The following FAM219A variants were observed in gnomAD, a reference collection of about 807,000 sequenced individuals.
The protein encoded by FAM219A is protein FAM219A.
In FAM219A, 7 loss-of-function variants were observed where a neutral mutation model predicts 23.4. The observed-to-expected ratio is 0.30, with a 90% CI of 0.17 to 0.56. The LOEUF is 0.56. Ranked by LOEUF, FAM219A falls within the 20% of genes least tolerant of loss-of-function variation. The pLI is 0.92. For missense variants in FAM219A, 166 were observed against 246.9 expected, an observed-to-expected ratio of 0.67 and a Z score of 2.20; for synonymous variants, 93 against 99.0, an observed-to-expected ratio of 0.94 and a Z score of 0.36.
chr9:34,437,909 G>A (rs1038094892), intron 1 of FAM219A, among the ~76,000 whole-genome samples: 15 of 152,236 alleles, frequency 9.9e-5, no homozygotes, highest in Non-Finnish European at 1.8e-4. Flanking sequence ...CCCTCAGCTT[G>A]CAGGGAGGTG....
At position 34,402,389 on chromosome 9, in the gene FAM219A, G is replaced by A; in HGVS notation, c.342C>T (p.Asp114=). 2 of 1,614,198 alleles carry A rather than the reference G, an allele frequency of 1.2e-6. No homozygotes were observed. The highest frequency in any genetic ancestry group is 1.7e-6 in the Non-Finnish European group (2 of 1,180,028). Residue 114 remains aspartate, a splice_region_variant and synonymous_variant, in exon 4 of 6, where the codon GAC becomes GAT. Transcript: ENST00000651358. The part of the protein sequence containing the change: ...DEKPLVALDT[D]SDDDFDMSRY... ...TACCCCCAAGCCCCCATACACACCT[G>A]TCCGTGTCAAGGGCTACCAGTGGCT... is the stretch of plus-strand genomic sequence containing the variant.
intron 2 of FAM219A, among the ~76,000 whole-genome samples, chr9:34,405,353 G>A (rs1821596199): frequency 6.6e-6 from 1 of 152,186 alleles, no homozygotes; most frequent in South Asian, 2.1e-4. Flanking sequence ...GACCCAGAAA[G>A]GAAGGGAGAT....
At position 34,458,154 on chromosome 9, in the gene FAM219A, T is replaced by C. The variant is rs1264969256; in HGVS notation, c.60+50A>G. On this transcript the variant is annotated intron_variant, in intron 1 of 5. Transcript: ENST00000651358. The surrounding 1 kb of genome is among the most constrained non-coding windows in gnomAD (Gnocchi z 6.6). ...CCCGGCCTGATTCCCTCCCTCCCCC[T>C]CAAGCGACGCCCCCTCCGGCCTTGG... The C allele has an allele frequency of 5.5e-5, 71 of 1,285,778 alleles. No individual in the cohort carries two copies. The highest frequency in any genetic ancestry group is 2.9e-4 in the South Asian group (21 of 72,040). The allele number at this position is 1,285,778 out of a possible 1,614,324, so 79.6% of individuals were successfully genotyped here.
chr9:34,438,174 C>T (rs758133387), intron 1 of FAM219A, among the ~76,000 whole-genome samples: 5 of 152,220 alleles, frequency 3.3e-5, no homozygotes, highest in African/African-American at 7.2e-5. Context: ...GGGCAGGGCT[C>T]GGGACCTGCA....
chr9:34,439,667 C>G (rs1370939288), intron 1 of FAM219A, among the ~76,000 whole-genome samples: 2 of 151,862 alleles, frequency 1.3e-5, no homozygotes, highest in Non-Finnish European at 1.5e-5. Flanking sequence ...TTCCAGGCAG[C>G]AAGAACATTA....
intron 1 of FAM219A, among the ~76,000 whole-genome samples, chr9:34,432,156 G>A (rs528945369): frequency 6.6e-6 from 1 of 152,318 alleles, no homozygotes; most frequent in East Asian, 1.9e-4. Context: ...TTGGGCCTCA[G>A]CTCTTTTGCC....
At chr9:34,448,894 T>C (rs986525484) in intron 1 of FAM219A, among the ~76,000 whole-genome samples, 1 of 151,958 alleles carries the variant, frequency 6.6e-6, no homozygotes, top group African/African-American at 2.4e-5. Flanking sequence ...GTTGGGTACA[T>C]TGTACACTGT....
chr9:34,456,019 C>T (rs1282207023), intron 1 of FAM219A, among the ~76,000 whole-genome samples: 1 of 152,102 alleles, frequency 6.6e-6, no homozygotes, highest in African/African-American at 2.4e-5. Flanking sequence ...ATGGCGAAAC[C>T]CTGTCTCTAC....
At position 34,398,800 on chromosome 9, in the gene FAM219A, G is replaced by T. The variant is rs1378733255; in HGVS notation, c.*2164C>A. ...TCCAGATGATGGGGGCACAGGGGTTGGGGGGATGTTGATCTGGGTGGGAGA... is the reference window on the plus strand; with the variant it reads ...TCCAGATGATGGGGGCACAGGGGTTTGGGGGATGTTGATCTGGGTGGGAGA... On this transcript the variant is annotated 3_prime_UTR_variant, in exon 6 of 6. Coordinates refer to ENST00000651358, the MANE Select transcript of FAM219A (RefSeq NM_001184940.2). The T allele has an allele frequency of 2.0e-5, 4 of 202,158 alleles. No individual in the cohort carries two copies. In the East Asian group the frequency reaches 4.4e-4, roughly 22 times the overall value. The allele number at this position is 202,158 out of a possible 1,614,324, so 12.5% of individuals were successfully genotyped here. A position where few individuals can be genotyped will look rare whatever the true frequency, so the allele number is the denominator to read the frequency against.
At chr9:34,401,854 T>C (rs927577833) in intron 4 of FAM219A, 134 bp from the exon 5 acceptor site, 3 of 968,162 alleles carry the variant, frequency 3.1e-6, no homozygotes, top group African/African-American at 1.6e-5. Flanking sequence ...ATACGAACTG[T>C]GCTTGCTGTG....
chr9:34,426,498 T>C (rs914291325), intron 1 of FAM219A, among the ~76,000 whole-genome samples: 2 of 152,246 alleles, frequency 1.3e-5, no homozygotes. Flanking sequence ...GCAAATTGTC[T>C]GGATCGAGCT....
intron 1 of FAM219A, among the ~76,000 whole-genome samples, chr9:34,437,473 T>A (rs1822964599): frequency 6.6e-6 from 1 of 152,158 alleles, no homozygotes; most frequent in Non-Finnish European, 1.5e-5. Flanking sequence ...GGCTTTCAGT[T>A]CTAGAATATA....
rs754477484 is a variant in FAM219A at position 34,401,159 on chromosome 9, C to T, written c.400-37G>A. 28 of 1,604,228 alleles carry T rather than the reference C, an allele frequency of 1.7e-5. No individual in the cohort carries two copies. The South Asian group carries it at 2.9e-4, about 17-fold the overall frequency. ...GGGGAGGGAGGTCAGGCCCGAGCGG[C>T]AGGGAGGCACCACCCACAGCTCTGC... On this transcript the variant is annotated intron_variant, in intron 5 of 5. Transcript: ENST00000651358.
chr9:34,409,152 T>C (rs74462497), intron 1 of FAM219A, among the ~76,000 whole-genome samples: 33 of 152,352 alleles, frequency 2.2e-4, no homozygotes, highest in African/African-American at 7.9e-4. Flanking sequence ...AGGGGTCCCA[T>C]GCAAAGCCCA....
rs1821498241 is a variant in FAM219A, at chr9:34,402,791, C to T, written c.177G>A (p.Leu59=). ...LQVKLEKQRE[L]ARKGSLKNGS... ...CATTCTTCAGGGAGCCCTTCCGGGC[C>T]AGCTCCCGCTGCTTCTCTGCAGGAG... Residue 59 remains leucine (L), a synonymous_variant, in exon 3 of 6, where the codon CTG becomes CTA. Transcript: ENST00000651358. The T allele has an allele frequency of 1.2e-6, 2 of 1,614,076 alleles. No individual in the cohort carries two copies. The highest frequency in any genetic ancestry group is 1.3e-5 in the African/African-American group (1 of 74,944).
chr9:34,415,004 T>A (rs140144162), intron 1 of FAM219A, among the ~76,000 whole-genome samples: 56 of 152,224 alleles, frequency 3.7e-4, no homozygotes, highest in African/African-American at 1.3e-3. Context: ...CAAGCTGGAG[T>A]GCAGTGGTGC....
intron 1 of FAM219A, among the ~76,000 whole-genome samples, chr9:34,428,674 G>C (rs1460861180): frequency 6.6e-6 from 1 of 152,236 alleles, no homozygotes; most frequent in Non-Finnish European, 1.5e-5. Context: ...CTGTGAGGAA[G>C]ACAAACACTG....
Position 34,434,183 on chromosome 9 carries a change from CAG to C in FAM219A, c.60+24019_60+24020del, listed in dbSNP as rs1298504727. Among the ~76,000 whole-genome samples, 3 of 112,160 alleles carry C rather than the reference CAG, an allele frequency of 2.7e-5. No homozygotes were observed. In the East Asian group the frequency reaches 8.6e-4, roughly 32 times the overall value. 73.6% of individuals were successfully genotyped at this position (112,160 alleles called of 152,430 possible). A position where few individuals can be genotyped will look rare whatever the true frequency, so the allele number is the denominator to read the frequency against. Reference sequence around the variant, plus strand: ...CGCCACTGCACTCCAGCCTGGGCAACAGAGCTAGACTCCGTCTCAAAAAAAAA... The same window carrying C: ...CGCCACTGCACTCCAGCCTGGGCAACAGCTAGACTCCGTCTCAAAAAAAAA... On this transcript the variant is annotated intron_variant, in intron 1 of 5. Coordinates refer to ENST00000651358, the MANE Select transcript of FAM219A (RefSeq NM_001184940.2).
intron 1 of FAM219A, among the ~76,000 whole-genome samples, chr9:34,442,981 T>C (rs1389373852): frequency 6.6e-6 from 1 of 152,104 alleles, no homozygotes; most frequent in Non-Finnish European, 1.5e-5. Flanking sequence ...TAAATCGATA[T>C]TCAAATATTA....
Sources: gnomAD v4.1 joint callset for allele counts (sites outside exome capture counted in the v4.1 genomes callset) on GRCh38, gnomAD v4.1.1 for gene constraint, Gnocchi (gnomAD v3.1) non-coding constraint, MANE v1.5 for transcripts, NCBI Gene and HGNC (gene_info 2026-07-23, HGNC 2026-07-21) for gene names.